SUCO: variants seen among roughly 807,000 people sequenced by gnomAD.
SUCO encodes the protein SUN domain containing ossification factor, also known as SUN domain-containing ossification factor.
SUCO carries 57 observed loss-of-function variants against 148.1 expected under a neutral mutation model. The ratio of observed to expected loss-of-function variants is 0.38; its 90% CI spans 0.31 to 0.48. The LOEUF (loss-of-function observed/expected upper bound fraction) is 0.48, where lower values mean the gene tolerates loss of function less well. Among genes scored for constraint, SUCO ranks in the 20% least tolerant of loss-of-function variants. The pLI, the probability that SUCO is intolerant of heterozygous loss-of-function variation, is 0.96. For missense variants in SUCO, 1,331 were observed against 1,468.2 expected (o/e 0.91, Z 1.53); for synonymous variants, 470 against 502.7 (o/e 0.93, Z 0.87).
In SUCO at chr1:172,610,040, A is replaced by G. The variant is rs760030268; in HGVS notation, c.3546A>G (p.Ser1182=). 10 of 1,613,872 alleles carry G rather than the reference A, an allele frequency of 6.2e-6. No homozygotes were observed. The South Asian group carries it at 1.1e-4, about 18-fold the overall frequency. Residue 1182 remains serine, a synonymous_variant, in exon 24 of 24, where the codon TCA becomes TCG. Coordinates refer to ENST00000263688, the MANE Select transcript of SUCO (RefSeq NM_014283.5). ...AAGAGTCCTATTTTTGTGGCATTTC[A>G]GCTTGCACAAGTCTGTGCAATGGAC... ...QSEESYFCGI[S]ACTSLCNGQS... is the part of the protein sequence containing the mutation.
chr1:172,600,696 A>ATGTGTGTGTGTGTG (rs61681764), intron 20 of SUCO, among the ~76,000 whole-genome samples: 1 of 148,958 alleles, frequency 6.7e-6, no homozygotes, highest in South Asian at 2.1e-4. Context: ...AGAAAATTAA[A>ATGTGTGTGTGTGTG]TGTGTGTGTG....
chr1:172,605,998 A>C (rs539358741), intron 22 of SUCO, among the ~76,000 whole-genome samples: 1 of 151,510 alleles, frequency 6.6e-6, no homozygotes, highest in South Asian at 2.1e-4. Context: ...TAGGTATTCT[A>C]TAAATTTTTT....
intron 13 of SUCO, 42 bp from the exon 14 acceptor site, chr1:172,578,256 G>C: frequency 7.3e-7 from 1 of 1,371,862 alleles, no homozygotes; most frequent in South Asian, 1.2e-5. Flanking sequence ...GTCTTAACGA[G>C]TGTTTTGTTT....
intron 19 of SUCO, among the ~76,000 whole-genome samples, chr1:172,598,144 C>T (rs1038491279): frequency 2.6e-5 from 4 of 152,072 alleles, no homozygotes; most frequent in Non-Finnish European, 5.9e-5. Context: ...TTTGGAAAGT[C>T]AGGGTTAGAA....
At chr1:172,605,393 C>G (rs552259577) in intron 22 of SUCO, among the ~76,000 whole-genome samples, 1 of 151,828 alleles carries the variant, frequency 6.6e-6, no homozygotes, top group African/African-American at 2.4e-5. Flanking sequence ...TTCAGTTTTT[C>G]CAGCACCATT....
chr1:172,555,304 T>A, intron 3 of SUCO: 2 of 739,762 alleles, frequency 2.7e-6, no homozygotes, highest in Non-Finnish European at 1.7e-6. Context: ...AGGGTTGATC[T>A]TGGAGGAGGA....
In SUCO at chr1:172,576,456, TA is replaced by T. The variant is rs749553342; in HGVS notation, c.1263+838del. 8.9e-4 allele frequency among the ~76,000 whole-genome samples: 135 copies of T among 151,696 alleles called. 1 individual carries two copies. The highest frequency in any genetic ancestry group is 1.6e-3 in the Non-Finnish European group (111 of 67,638). On this transcript the variant is annotated intron_variant, in intron 11 of 23. Transcript: ENST00000263688. ...ACTTGTAGTATTCTTAATCTCAGTA[TA>T]AAAATGCTAAATTCTATTTTTAAAA...
chr1:172,597,951 T>G (rs994451716), intron 19 of SUCO, among the ~76,000 whole-genome samples: 1 of 152,262 alleles, frequency 6.6e-6, no homozygotes, highest in South Asian at 2.1e-4. Flanking sequence ...AGCAGAAGTT[T>G]TTGATTTGTT....
At chr1:172,590,044 C>A in intron 18 of SUCO, 118 bp downstream of exon 18, 1 of 758,120 alleles carries the variant, frequency 1.3e-6, no homozygotes, top group Non-Finnish European at 1.9e-6. Context: ...GAGGTAAGCG[C>A]AATTTTAGCA....
At chr1:172,569,802 G>A (rs1654816147) in intron 7 of SUCO, among the ~76,000 whole-genome samples, 1 of 152,126 alleles carries the variant, frequency 6.6e-6, no homozygotes, top group East Asian at 1.9e-4. Context: ...CATTTTGTGA[G>A]TTATGTTACT....
chr1:172,590,911 A>G, intron 18 of SUCO, 73 bp from the exon 19 acceptor site: 1 of 1,046,384 alleles, frequency 9.6e-7, no homozygotes, highest in Non-Finnish European at 1.4e-6. Flanking sequence ...TATCAAAATC[A>G]GAAGTATGTT....
At chr1:172,578,730 AT>A (rs1290268365) in intron 14 of SUCO, 1 of 204,958 alleles carries the variant, frequency 4.9e-6, no homozygotes, top group Non-Finnish European at 8.6e-6. Flanking sequence ...AATGCCTGTG[AT>A]TTCCCATGAG....
intron 1 of SUCO, among the ~76,000 whole-genome samples, chr1:172,549,894 A>AG (rs1653156916): frequency 6.6e-6 from 1 of 151,434 alleles, no homozygotes; most frequent in Admixed American, 6.6e-5. Context: ...CTTCAGGGAA[A>AG]AAAAAAAAAA....
chr1:172,567,132 G>A (rs1458405249), intron 6 of SUCO, among the ~76,000 whole-genome samples: 1 of 152,178 alleles, frequency 6.6e-6, no homozygotes, highest in South Asian at 2.1e-4. Context: ...TTCCTTTGAA[G>A]AAAAGAAGAA....
rs568869423 is a variant in SUCO, at chr1:172,572,259, G to C, written c.1049+1529G>C. On this transcript the variant is annotated intron_variant, in intron 9 of 23. Transcript: ENST00000263688. ...AATGGTGGTTTTGTGGAATAGAAAG[G>C]GGGGAAGGGCGGGGAAAGGATTGAG... 4.6e-5 allele frequency among the ~76,000 whole-genome samples: 7 copies of C among 151,518 alleles called. No homozygotes were observed. The East Asian group carries it at 7.9e-4, about 17-fold the overall frequency.
intron 1 of SUCO, chr1:172,550,953 T>C: frequency 1.1e-5 from 9 of 807,408 alleles, no homozygotes; most frequent in Non-Finnish European, 1.3e-5. Flanking sequence ...ATTTCTCCTT[T>C]GGTATGTTCC....
At position 172,568,415 on chromosome 1, in the gene SUCO, G is replaced by A. The variant is rs895172446; in HGVS notation, c.733-604G>A. On this transcript the variant is annotated intron_variant, in intron 6 of 23. Coordinates refer to ENST00000263688, the MANE Select transcript of SUCO (RefSeq NM_014283.5). ...ACTTCTCTCAGTGTGTGACTTATTC[G>A]TCCATGTCATTTATGGTTAACCTAA... 7.1e-5 allele frequency: 69 copies of A among 978,302 alleles called. No homozygotes were observed. In the African/African-American group the frequency reaches 9.8e-4, roughly 14 times the overall value. 60.6% of individuals were successfully genotyped at this position (978,302 alleles called of 1,614,324 possible). A position where few individuals can be genotyped will look rare whatever the true frequency, so the allele number is the denominator to read the frequency against.
chr1:172,555,421 A>G (rs1558179392), intron 3 of SUCO: 3 of 984,906 alleles, frequency 3.0e-6, no homozygotes, highest in African/African-American at 3.5e-5. Context: ...AGCAGTAAGA[A>G]TCATTTATTG....
At chr1:172,567,758 A>T (rs1346201245) in intron 6 of SUCO, among the ~76,000 whole-genome samples, 1 of 152,224 alleles carries the variant, frequency 6.6e-6, no homozygotes, top group African/African-American at 2.4e-5. Context: ...GATTATGCAC[A>T]TCTTAATATT....
Sources: allele counts gnomAD v4.1 joint callset (sites outside exome capture counted in the v4.1 genomes callset), GRCh38; gene constraint gnomAD v4.1.1; transcripts MANE v1.5; gene names NCBI Gene and HGNC (gene_info 2026-07-23, HGNC 2026-07-21).